SPATA31A6: variants seen among roughly 807,000 people sequenced by gnomAD.
The protein encoded by SPATA31A6 is SPATA31 subfamily A member 6.
In SPATA31A6, 9 loss-of-function variants were observed where a neutral mutation model predicts 11.9. That is an observed-to-expected ratio of 0.76 (90% CI 0.46 to 1.32). The LOEUF (loss-of-function observed/expected upper bound fraction) is 1.32, where lower values mean the gene tolerates loss of function less well. Ranked by LOEUF, SPATA31A6 falls within the 40% of genes most tolerant of loss-of-function variation. The pLI is 0.00. For missense variants in SPATA31A6, 855 were observed against 1,467.3 expected, an observed-to-expected ratio of 0.58 and a Z score of 6.82; for synonymous variants, 314 against 572.1, an observed-to-expected ratio of 0.55 and a Z score of 6.44.
rs1587331530 is a variant in SPATA31A6 at position 42,189,864 on chromosome 9, A to G, written c.*130A>G. 3 of 1,113,832 alleles carry G rather than the reference A, an allele frequency of 2.7e-6. 1 individual carries two copies. Among genetic ancestry groups the G allele is most frequent in the South Asian group, 1.7e-5 (1 of 58,596 alleles). 69.0% of individuals were successfully genotyped at this position (1,113,832 alleles called of 1,614,324 possible). Reference sequence around the variant, plus strand: ...AATGCAGAACATTTAATATTCCACAATATATATGGTTTTTTATTTATAAGA... The same window carrying G: ...AATGCAGAACATTTAATATTCCACAGTATATATGGTTTTTTATTTATAAGA... On this transcript the variant is annotated 3_prime_UTR_variant, in exon 4 of 4. Coordinates refer to ENST00000332857, the MANE Select transcript of SPATA31A6 (RefSeq NM_001145196.1).
In SPATA31A6 at chr9:42,186,594, C is replaced by T. The variant is rs1255824655; in HGVS notation, c.892C>T (p.Gln298Ter). The change falls in exon 4 of 4, where the codon CAG (glutamine) becomes TAG (stop). Residue 298 changes from glutamine (Q) to a stop codon, truncating the protein, a stop_gained. Coordinates refer to ENST00000332857, the MANE Select transcript of SPATA31A6 (RefSeq NM_001145196.1). LOFTEE classifies it low-confidence loss of function (END_TRUNC). ...CTCGTGCGCCTTTAACTCATCAGTC[C>T]AGCAAGATCCTCTTTCCCGCCACCC... is the stretch of plus-strand genomic sequence containing the variant. ...RTSCAFNSSV[Q>*]QDPLSRHPPE... 6.5e-7 allele frequency: 1 copy of T among 1,532,424 alleles called. No individual in the cohort carries two copies. Among genetic ancestry groups the T allele is most frequent in the Non-Finnish European group, 8.8e-7 (1 of 1,136,966 alleles). The allele number at this position is 1,532,424 out of a possible 1,614,324, so 94.9% of individuals were successfully genotyped here.
chr9:42,186,284 A>G lies in SPATA31A6; in HGVS notation c.582A>G (p.Glu194=). 4.8e-6 allele frequency: 4 copies of G among 836,508 alleles called. No homozygotes were observed. The Admixed American group carries it at 9.8e-5, about 20-fold the overall frequency. 51.8% of individuals were successfully genotyped at this position (836,508 alleles called of 1,614,324 possible). The part of the protein sequence containing the change: ...SQPPEPSLPL[E]HPSPEPPALF... ...CACCAGAACCTTCCCTTCCCCTAGA[A>G]CACCCCTCACCCGAGCCACCTGCAC... Residue 194 remains glutamate, a synonymous_variant, in exon 4 of 4, where the codon GAA becomes GAG. Coordinates refer to ENST00000332857, the MANE Select transcript of SPATA31A6 (RefSeq NM_001145196.1).
chr9:42,187,228 C>T lies in SPATA31A6; in HGVS notation c.1526C>T (p.Ala509Val). The T allele has an allele frequency of 4.5e-6, 7 of 1,543,296 alleles. No homozygotes were observed. The highest frequency in any genetic ancestry group is 5.3e-6 in the Non-Finnish European group (6 of 1,138,272). ...TCTTCTTTCCCAGTCCTATCTCCTG[C>T]TTTTCCATCCCTGATTAAGAACACT... is the stretch of plus-strand genomic sequence containing the variant. ...LQSSFPVLSP[A>V]FPSLIKNTGV... Residue 509 changes from alanine (A) to valine (V), a missense_variant, in exon 4 of 4, where the codon GCT becomes GTT. Ala to Val is a moderately conservative substitution (Grantham distance 64). Coordinates refer to ENST00000332857, the MANE Select transcript of SPATA31A6 (RefSeq NM_001145196.1).
rs757280521 is a variant in SPATA31A6, at chr9:42,189,393, C to A, written c.3691C>A (p.His1231Asn). 3 of 1,556,228 alleles carry A rather than the reference C, an allele frequency of 1.9e-6. No individual in the cohort carries two copies. In the East Asian group the frequency reaches 7.2e-5, roughly 37 times the overall value. Reference sequence around the variant, plus strand: ...GCACCATGCCTCGAAGGTAAATCAGCACAAACAGAAGTTTCAAGCCCCAGT... The same window carrying A: ...GCACCATGCCTCGAAGGTAAATCAGAACAAACAGAAGTTTCAAGCCCCAGT... ...HAHHASKVNQ[H>N]KQKFQAPVCG... Residue 1231 changes from histidine (H) to asparagine (N), a missense_variant, in exon 4 of 4, where the codon CAC becomes AAC. Physicochemically the swap from His to Asn is moderately conservative, Grantham distance 68. Transcript: ENST00000332857.
At position 42,188,857 on chromosome 9, in the gene SPATA31A6, G is replaced by T. The variant is rs1413857203; in HGVS notation, c.3155G>T (p.Gly1052Val). The stretch of plus-strand genomic sequence containing the variant: ...AATTTGGTTTCTCAAGTGCCCCAGG[G>T]CCATCTCCAGAGCATGCCTACTGGG... ...SENLVSQVPQ[G>V]HLQSMPTGNM... Residue 1052 changes from glycine (G) to valine (V), a missense_variant, in exon 4 of 4, where the codon GGC becomes GTC. By Grantham distance (109) the Gly-to-Val change is moderately radical (BLOSUM62 -3). Transcript: ENST00000332857. The T allele has an allele frequency of 4.5e-6, 7 of 1,555,488 alleles. No individual in the cohort carries two copies. The East Asian group carries it at 1.2e-4, about 26-fold the overall frequency.
chr9:42,187,612 G>A lies in SPATA31A6; in HGVS notation c.1910G>A (p.Ser637Asn). The A allele has an allele frequency of 8.1e-7, 1 of 1,235,526 alleles. No individual in the cohort carries two copies. Among genetic ancestry groups the A allele is most frequent in the Non-Finnish European group, 1.1e-6 (1 of 900,584 alleles). The allele number at this position is 1,235,526 out of a possible 1,614,324, so 76.5% of individuals were successfully genotyped here. A position where few individuals can be genotyped will look rare whatever the true frequency, so the allele number is the denominator to read the frequency against. Residue 637 changes from serine to asparagine, a missense_variant, in exon 4 of 4, where the codon AGT becomes AAT. Physicochemically the swap from Ser to Asn is conservative, Grantham distance 46 (BLOSUM62 1). Coordinates refer to ENST00000332857, the MANE Select transcript of SPATA31A6 (RefSeq NM_001145196.1). ...PGTSQAKGKP[S>N]PWQSSTSTGE... Reference sequence around the variant, plus strand: ...ACAAGTCAGGCCAAGGGCAAACCCAGTCCCTGGCAGTCCTCCACGTCCACA... The same window carrying A: ...ACAAGTCAGGCCAAGGGCAAACCCAATCCCTGGCAGTCCTCCACGTCCACA...
rs866279621 is a variant in SPATA31A6 at position 42,184,819 on chromosome 9, C to A, written c.190-250C>A. 1.5e-5 allele frequency among the ~76,000 whole-genome samples: 2 copies of A among 137,740 alleles called. 1 individual carries two copies. The highest frequency in any genetic ancestry group is 5.9e-5 in the African/African-American group (2 of 34,018). The allele number at this position is 137,740 out of a possible 152,430, so 90.4% of individuals were successfully genotyped here. ...CTTGGATTATAGGCGTGAGCCACCA[C>A]GCCCAGCCCCCTCTTGCTGTTTTTC... On this transcript the variant is annotated intron_variant, in intron 1 of 3. Transcript: ENST00000332857.
At position 42,184,000 on chromosome 9, in the gene SPATA31A6, A is replaced by G. The variant is rs1395191958; in HGVS notation, c.189+124A>G. The G allele has an allele frequency of 1.2e-5, 18 of 1,441,046 alleles. 2 individuals are homozygous for G. The highest frequency in any genetic ancestry group is 1.7e-5 in the Non-Finnish European group (18 of 1,080,288). The allele number at this position is 1,441,046 out of a possible 1,614,324, so 89.3% of individuals were successfully genotyped here. A position where few individuals can be genotyped will look rare whatever the true frequency, so the allele number is the denominator to read the frequency against. ...GGGAAGTCTCAGAAGAGACCAGAAC[A>G]TCATCCTTCCAGGGAGAGGCAGGGC... is the stretch of plus-strand genomic sequence containing the variant. On this transcript the variant is annotated intron_variant, in intron 1 of 3. Coordinates refer to ENST00000332857, the MANE Select transcript of SPATA31A6 (RefSeq NM_001145196.1).
chr9:42,183,865 G>A lies in SPATA31A6; in HGVS notation c.178G>A (p.Gly60Arg), dbSNP rs767178882. The change falls in exon 1 of 4, where the codon GGG becomes AGG. Residue 60 changes from glycine (G) to arginine (R), a missense_variant. Transcript: ENST00000332857. ...HCDDPPSPSP[G>R]KRKCPVGRRR... is the part of the protein sequence containing the mutation. ...TGATGACCCACCCTCACCATCGCCT[G>A]GGAAGAGAAAGGTAAGGAACCCTCA... 14 of 1,531,426 alleles carry A rather than the reference G, an allele frequency of 9.1e-6. 2 individuals carry two copies. In the Admixed American group the frequency reaches 1.8e-4, roughly 19 times the overall value. 94.9% of individuals were successfully genotyped at this position (1,531,426 alleles called of 1,614,324 possible).
In SPATA31A6 at chr9:42,187,155, T is replaced by C. The variant is rs747992392; in HGVS notation, c.1453T>C (p.Phe485Leu). 1.3e-6 allele frequency: 2 copies of C among 1,542,922 alleles called. No individual in the cohort carries two copies. Among genetic ancestry groups the C allele is most frequent in the Non-Finnish European group, 1.8e-6 (2 of 1,137,824 alleles). Residue 485 changes from phenylalanine to leucine, a missense_variant, in exon 4 of 4, where the codon TTC (phenylalanine) becomes CTC (leucine). Coordinates refer to ENST00000332857, the MANE Select transcript of SPATA31A6 (RefSeq NM_001145196.1). ...RQPFISSTPQ[F>L]LPTPMAQAEA... Reference sequence around the variant, plus strand: ...ACCCTTTATTTCATCCACACCCCAATTCCTGCCCACACCTATGGCTCAGGC... The same window carrying C: ...ACCCTTTATTTCATCCACACCCCAACTCCTGCCCACACCTATGGCTCAGGC...
chr9:42,189,079 C>G lies in SPATA31A6; in HGVS notation c.3377C>G (p.Thr1126Ser), dbSNP rs1390138141. The G allele has an allele frequency of 6.5e-7, 1 of 1,548,848 alleles. No individual in the cohort carries two copies. Among genetic ancestry groups the G allele is most frequent in the Non-Finnish European group, 8.8e-7 (1 of 1,141,698 alleles). Residue 1126 changes from threonine to serine, a missense_variant, in exon 4 of 4, where the codon ACT becomes AGT. Thr to Ser is a moderately conservative substitution (Grantham distance 58). Transcript: ENST00000332857. ...GAAGAAAGGCTTGAAGGATTGAGGACTCCTCAACTTACCCCAGTCAGGAAA... is the reference window on the plus strand; with the variant it reads ...GAAGAAAGGCTTGAAGGATTGAGGAGTCCTCAACTTACCCCAGTCAGGAAA... ...KHEERLEGLR[T>S]PQLTPVRKTE...
At chr9:42,184,996 G>A (rs2808962) in intron 1 of SPATA31A6, 73 bp from the exon 2 acceptor site, 302,649 of 1,193,360 alleles carry the variant, frequency 0.25, 96,869 homozygotes, top group South Asian at 0.37. Flanking sequence ...CTAGCTTCTC[G>A]CCCTTTCTTG....
Position 42,189,262 on chromosome 9 carries a change from A to T in SPATA31A6, c.3560A>T (p.Lys1187Ile). 6.4e-7 allele frequency: 1 copy of T among 1,560,754 alleles called. No homozygotes were observed. Among genetic ancestry groups the T allele is most frequent in the East Asian group, 2.4e-5 (1 of 42,210 alleles). The change falls in exon 4 of 4, where the codon AAA (lysine) becomes ATA (isoleucine). Residue 1187 changes from lysine to isoleucine, a missense_variant. Lys to Ile is a moderately radical substitution (Grantham distance 102). Coordinates refer to ENST00000332857, the MANE Select transcript of SPATA31A6 (RefSeq NM_001145196.1). The part of the protein sequence containing the change: ...KPAPVTAESQ[K>I]TVKNRSCVYS... ...GCACCAGTCACTGCTGAGAGCCAAA[A>T]AACAGTAAAAAACAGATCATGTGTG...
chr9:42,183,717 A>T lies in SPATA31A6; in HGVS notation c.30A>T (p.Leu10Phe). 1.3e-6 allele frequency: 2 copies of T among 1,535,764 alleles called. No individual in the cohort carries two copies. Among genetic ancestry groups the T allele is most frequent in the Non-Finnish European group, 1.8e-6 (2 of 1,138,430 alleles). The part of the protein sequence containing the change: MENLPFPLK[L>F]LSASSLNAPS... ...AGAATCTTCCCTTTCCTTTAAAATT[A>T]CTTAGTGCCTCATCGCTAAACGCCC... The change falls in exon 1 of 4, where the codon TTA becomes TTT. Residue 10 changes from leucine to phenylalanine, a missense_variant. By Grantham distance (22) the Leu-to-Phe change is conservative (BLOSUM62 0). Transcript: ENST00000332857.
At position 42,188,890 on chromosome 9, in the gene SPATA31A6, G is replaced by A. The variant is rs574691242; in HGVS notation, c.3188G>A (p.Arg1063Gln). Residue 1063 changes from arginine (R) to glutamine (Q), a missense_variant, in exon 4 of 4, where the codon CGG (arginine) becomes CAG (glutamine). By Grantham distance (43) the Arg-to-Gln change is conservative. Transcript: ENST00000332857. ...CAGAGCATGCCTACTGGGAACATGC[G>A]GGCTTCCCAGGAGCTACATGACCTC... Reference protein sequence around the residue: ...HLQSMPTGNMRASQELHDLMA... With the variant: ...HLQSMPTGNMQASQELHDLMA... 7.4e-5 allele frequency: 114 copies of A among 1,549,492 alleles called. 14 individuals carry two copies. In the Middle Eastern group the frequency reaches 1.4e-3, roughly 19 times the overall value.
At position 42,184,102 on chromosome 9, in the gene SPATA31A6, G is replaced by A. The variant is rs189564697; in HGVS notation, c.189+226G>A. On this transcript the variant is annotated intron_variant, in intron 1 of 3. Transcript: ENST00000332857. ...CTCAGTCCATCTGTGGGGGAGCACA[G>A]GAGGCATCAAGGCAAAATCAAACCA... is the stretch of plus-strand genomic sequence containing the variant. Among the ~76,000 whole-genome samples the A allele has an allele frequency of 7.5e-4, 104 of 137,768 alleles. 11 individuals are homozygous for A. The East Asian group carries it at 0.016, about 22-fold the overall frequency. The allele number at this position is 137,768 out of a possible 152,430, so 90.4% of individuals were successfully genotyped here. A position where few individuals can be genotyped will look rare whatever the true frequency, so the allele number is the denominator to read the frequency against.
Position 42,189,870 on chromosome 9 carries a change from A to G in SPATA31A6, c.*136A>G, listed in dbSNP as rs1376377032. The G allele has an allele frequency of 1.0e-4, 111 of 1,107,532 alleles. 20 individuals are homozygous for G. Among genetic ancestry groups the G allele is most frequent in the Non-Finnish European group, 1.3e-4 (110 of 836,530 alleles). The allele number at this position is 1,107,532 out of a possible 1,614,324, so 68.6% of individuals were successfully genotyped here. A position where few individuals can be genotyped will look rare whatever the true frequency, so the allele number is the denominator to read the frequency against. ...GAACATTTAATATTCCACAATATAT[A>G]TGGTTTTTTATTTATAAGAGGGTGA... is the stretch of plus-strand genomic sequence containing the variant. On this transcript the variant is annotated 3_prime_UTR_variant, in exon 4 of 4. Transcript: ENST00000332857.
rs1414119753 is a variant in SPATA31A6 at position 42,184,953 on chromosome 9, C to T, written c.190-116C>T. 71 of 1,416,324 alleles carry T rather than the reference C, an allele frequency of 5.0e-5. 8 individuals carry two copies. The highest frequency in any genetic ancestry group is 2.1e-4 in the Middle Eastern group (1 of 4,838). The allele number at this position is 1,416,324 out of a possible 1,614,324, so 87.7% of individuals were successfully genotyped here. A position where few individuals can be genotyped will look rare whatever the true frequency, so the allele number is the denominator to read the frequency against. On this transcript the variant is annotated intron_variant, in intron 1 of 3. Coordinates refer to ENST00000332857, the MANE Select transcript of SPATA31A6 (RefSeq NM_001145196.1). Reference sequence around the variant, plus strand: ...TGCGGTTCCTGAGTGCAGCATGCTGCGGCTGGGCTGGAGCAGAGAGGGAGA... The same window carrying T: ...TGCGGTTCCTGAGTGCAGCATGCTGTGGCTGGGCTGGAGCAGAGAGGGAGA...
intron 1 of SPATA31A6, 25 bp from the exon 2 acceptor site, chr9:42,185,044 C>T: frequency 6.5e-7 from 1 of 1,536,214 alleles, no homozygotes; most frequent in Non-Finnish European, 8.8e-7. Context: ...GTCATCTTGT[C>T]TCCGTACGTC....
Sources: gnomAD v4.1 joint callset for allele counts (sites outside exome capture counted in the v4.1 genomes callset) on GRCh38, gnomAD v4.1.1 for gene constraint, MANE v1.5 for transcripts, NCBI Gene and HGNC (gene_info 2026-07-23, HGNC 2026-07-21) for gene names.